PTPRS: variants seen among roughly 807,000 people sequenced by gnomAD.
PTPRS encodes the protein receptor-type tyrosine-protein phosphatase S.
Under a neutral mutation model 215.3 loss-of-function variants are expected in PTPRS, and 63 were observed. That is an observed-to-expected ratio of 0.29 (90% CI 0.24 to 0.36). PTPRS has a LOEUF of 0.36. Ranked by LOEUF, PTPRS falls within the 10% of genes least tolerant of loss-of-function variation. The pLI is 1.00. For synonymous variants in PTPRS, 1,404 were observed against 1,191.4 expected, an observed-to-expected ratio of 1.18 and a Z score of -3.68; for missense variants, 2,258 against 2,825.8, an observed-to-expected ratio of 0.80 and a Z score of 4.56.
At chr19:5,228,921 G>C (rs1176954884) in intron 16 of PTPRS, among the ~76,000 whole-genome samples, 1 of 152,212 alleles carries the variant, frequency 6.6e-6, no homozygotes, top group Non-Finnish European at 1.5e-5. Flanking sequence ...GGGCTGAATT[G>C]AGTGACAGTA....
Position 5,295,609 on chromosome 19 carries a change from A to G in PTPRS, c.-94-9375T>C, listed in dbSNP as rs1337190981. Among the ~76,000 whole-genome samples the G allele has an allele frequency of 6.6e-6, 1 of 152,220 alleles. No homozygotes were observed. Among genetic ancestry groups the G allele is most frequent in the Non-Finnish European group, 1.5e-5 (1 of 68,042 alleles). On this transcript the variant is annotated intron_variant, in intron 1 of 37. Coordinates refer to ENST00000262963, the MANE Select transcript of PTPRS (RefSeq NM_002850.4). This position sits in a 1 kb window ranked among gnomAD's most constrained non-coding sequence, Gnocchi z 4.6. ...ACCCAGTGTCCCCAGCACCTAGCAC[A>G]GGTCCACAGTACAAAGGAGGTTCTC...
chr19:5,340,195 C>A (rs2050645286), intron 1 of PTPRS, among the ~76,000 whole-genome samples: 1 of 151,006 alleles, frequency 6.6e-6, no homozygotes, highest in South Asian at 2.1e-4. Context: ...CCCCATCCCC[C>A]GGCACAGCGC....
At chr19:5,299,434 A>G (rs2049236636) in intron 1 of PTPRS, among the ~76,000 whole-genome samples, 1 of 151,834 alleles carries the variant, frequency 6.6e-6, no homozygotes, top group Non-Finnish European at 1.5e-5. Flanking sequence ...TCACCCTTCC[A>G]TTCTCCCTCA....
chr19:5,280,579 G>A (rs2047761401), intron 2 of PTPRS, among the ~76,000 whole-genome samples: 1 of 152,126 alleles, frequency 6.6e-6, no homozygotes, highest in African/African-American at 2.4e-5. Context: ...AAATCAGCCA[G>A]GCGTGGTGGC....
At chr19:5,258,777 G>C (rs2146265892) in intron 7 of PTPRS, among the ~76,000 whole-genome samples, 1 of 152,332 alleles carries the variant, frequency 6.6e-6, no homozygotes, top group African/African-American at 2.4e-5. Context: ...GTTGATGCTG[G>C]TGTGTATCAA....
chr19:5,308,186 T>C (rs971619127), intron 1 of PTPRS, among the ~76,000 whole-genome samples: 6 of 152,214 alleles, frequency 3.9e-5, no homozygotes, highest in Non-Finnish European at 7.3e-5. Context: ...TGCCGATTTC[T>C]TCTCCTGCCA....
intron 1 of PTPRS, among the ~76,000 whole-genome samples, chr19:5,330,850 C>T (rs558558954): frequency 6.6e-6 from 1 of 152,282 alleles, no homozygotes; most frequent in African/African-American, 2.4e-5. Context: ...TCTCTGCACC[C>T]TGCTGATATC....
At chr19:5,270,052 G>T (rs1216368583) in intron 4 of PTPRS, among the ~76,000 whole-genome samples, 1 of 152,062 alleles carries the variant, frequency 6.6e-6, no homozygotes, top group Non-Finnish European at 1.5e-5. Flanking sequence ...AGTGCAGGCT[G>T]GCTTGGGGCA....
chr19:5,270,385 G>C (rs2046808331), intron 4 of PTPRS, among the ~76,000 whole-genome samples: 1 of 142,396 alleles, frequency 7.0e-6, no homozygotes, highest in African/African-American at 2.6e-5. Flanking sequence ...TGAACTCCGA[G>C]GCTCAGGCGA....
chr19:5,251,522 C>A (rs982946002), intron 9 of PTPRS, among the ~76,000 whole-genome samples: 1 of 151,470 alleles, frequency 6.6e-6, no homozygotes, highest in Non-Finnish European at 1.5e-5. Context: ...TCCCTCACCA[C>A]CCCCCCAACC....
rs748550727 is a variant in PTPRS at position 5,219,426 on chromosome 19, A to T, written c.3807T>A (p.Asp1269Glu). ...ASPFSDPFQL[D>E]NPDPQPIVDG... is the part of the protein sequence containing the mutation. ...CCACGATGGGCTGGGGGTCCGGGTT[A>T]TCCAGCTGGAAGGGGTCTGAGAAGG... The change falls in exon 23 of 38, where the codon GAT becomes GAA. Residue 1269 changes from aspartate to glutamate, a missense_variant. By Grantham distance (45) the Asp-to-Glu change is conservative. Around this residue, in one of 6 missense-constraint regions of PTPRS, gnomAD observed 927 missense variants for 1,125.9 expected, o/e 0.82. Transcript: ENST00000262963. The T allele has an allele frequency of 1.2e-5, 20 of 1,611,136 alleles. No individual in the cohort carries two copies. The highest frequency in any genetic ancestry group is 1.6e-5 in the Non-Finnish European group (19 of 1,178,636).
intron 36 of PTPRS, 59 bp from the exon 37 acceptor site, chr19:5,208,116 G>A: frequency 1.3e-6 from 2 of 1,586,758 alleles, no homozygotes; most frequent in African/African-American, 1.3e-5. Flanking sequence ...GCCCTGATCT[G>A]ACCACCCGAT....
rs915679494 is a variant in PTPRS, at chr19:5,231,301, G to A, written c.2155+9C>T. The A allele has an allele frequency of 6.3e-7, 1 of 1,597,788 alleles. No individual in the cohort carries two copies. The highest frequency in any genetic ancestry group is 8.5e-7 in the Non-Finnish European group (1 of 1,175,304). ...TGCGGGGGGTCCCGGGCCTGGGGCAGGTACTTACCATCCTCGTCGGTGCGG... is the reference window on the plus strand; with the variant it reads ...TGCGGGGGGTCCCGGGCCTGGGGCAAGTACTTACCATCCTCGTCGGTGCGG... On this transcript the variant is annotated intron_variant, in intron 14 of 37. Transcript: ENST00000262963.
chr19:5,273,222 T>C (rs907428028), intron 4 of PTPRS: 6 of 601,420 alleles, frequency 1.0e-5, no homozygotes, highest in Non-Finnish European at 1.8e-5. Flanking sequence ...ATTAGGATGA[T>C]TCTAGTCTCT....
In PTPRS at chr19:5,339,778, G is replaced by GCA. The variant is rs2050628134; in HGVS notation, c.-95+885_-95+886insTG. Reference sequence around the variant, plus strand: ...CTCCCCTCCCCCCGCAGCCCCCGGGGGCTCCCGGGGCGTGCGGAACCCGCG... The same window carrying GCA: ...CTCCCCTCCCCCCGCAGCCCCCGGGGCAGCTCCCGGGGCGTGCGGAACCCGCG... On this transcript the variant is annotated intron_variant, in intron 1 of 37. Transcript: ENST00000262963. The surrounding 1 kb of genome is among the most constrained non-coding windows in gnomAD (Gnocchi z 4.2). 6.6e-6 allele frequency among the ~76,000 whole-genome samples: 1 copy of GCA among 151,696 alleles called. No homozygotes were observed. Among genetic ancestry groups the GCA allele is most frequent in the African/African-American group, 2.4e-5 (1 of 41,364 alleles).
chr19:5,246,884 T>TGAGAGAGA (rs35986633), intron 9 of PTPRS, among the ~76,000 whole-genome samples: 4 of 146,846 alleles, frequency 2.7e-5, no homozygotes, highest in African/African-American at 7.5e-5. Context: ...CAAAATAGAT[T>TGAGAGAGA]GAGAGAGAGA....
At chr19:5,326,859 G>A (rs2050182789) in intron 1 of PTPRS, among the ~76,000 whole-genome samples, 1 of 151,800 alleles carries the variant, frequency 6.6e-6, no homozygotes, top group South Asian at 2.1e-4. Flanking sequence ...AGGAAGGAAG[G>A]AAGGAAAGAA....
Position 5,211,987 on chromosome 19 carries a change from G to A in PTPRS, c.5033C>T (p.Thr1678Ile). 6.2e-7 allele frequency: 1 copy of A among 1,609,950 alleles called. No individual in the cohort carries two copies. The highest frequency in any genetic ancestry group is 8.5e-7 in the Non-Finnish European group (1 of 1,178,710). The change falls in exon 32 of 38, where the codon ACT becomes ATT. Residue 1678 changes from threonine (T) to isoleucine (I), a missense_variant. Physicochemically the swap from Thr to Ile is moderately conservative, Grantham distance 89 (BLOSUM62 -1). This residue lies in a region of PTPRS where 927 missense variants were observed against 1,125.9 expected (regional missense o/e 0.82). Coordinates refer to ENST00000262963, the MANE Select transcript of PTPRS (RefSeq NM_002850.4). ...CACCTTGAACTCGAGTTCCATGCCA[G>A]TGACGTGTTCGCCAGGCTCCACCTG... ...LAQVEPGEHVTGMELEFKRLA... is the reference protein window; with the variant it reads ...LAQVEPGEHVIGMELEFKRLA...
At chr19:5,290,582 CG>C (rs1466248286) in intron 1 of PTPRS, among the ~76,000 whole-genome samples, 2 of 152,086 alleles carry the variant, frequency 1.3e-5, no homozygotes, top group Admixed American at 1.3e-4. Context: ...CCGCACGAGG[CG>C]GGGGCTCCTC....
Sources: allele counts gnomAD v4.1 joint callset (sites outside exome capture counted in the v4.1 genomes callset), GRCh38; gene constraint gnomAD v4.1.1; regional missense constraint gnomAD v4.1.1; non-coding constraint Gnocchi (gnomAD v3.1); transcripts MANE v1.5; gene names NCBI Gene and HGNC (gene_info 2026-07-23, HGNC 2026-07-21).